The following LRRC4C variants were observed in gnomAD, a reference collection of about 807,000 sequenced individuals.
LRRC4C encodes the protein leucine rich repeat containing 4C.
Under a neutral mutation model 33.6 loss-of-function variants are expected in LRRC4C, and 5 were observed. That is an observed-to-expected ratio of 0.15 (90% CI 0.08 to 0.31). The LOEUF is 0.31. LRRC4C is among the 10% of genes least tolerant of loss of function. The pLI, the probability that LRRC4C is intolerant of heterozygous loss-of-function variation, is 1.00. For synonymous variants in LRRC4C, 329 were observed against 302.0 expected, an observed-to-expected ratio of 1.09 and a Z score of -0.93; for missense variants, 560 against 796.7, an observed-to-expected ratio of 0.70 and a Z score of 3.58.
chr11:40,130,661 C>T (rs564532045), intron 6 of LRRC4C, among the ~76,000 whole-genome samples: 1 of 152,244 alleles, frequency 6.6e-6, no homozygotes, highest in East Asian at 1.9e-4. Context: ...CCAAATGTCC[C>T]CTGGGGGGCA....
chr11:40,868,451 C>T (rs961565065), intron 2 of LRRC4C, among the ~76,000 whole-genome samples: 2 of 152,124 alleles, frequency 1.3e-5, no homozygotes, highest in Non-Finnish European at 2.9e-5. Flanking sequence ...CCTACACCCA[C>T]ATTAATGCCA....
chr11:40,833,478 AT>A (rs1266641882), intron 2 of LRRC4C, among the ~76,000 whole-genome samples: 1 of 152,080 alleles, frequency 6.6e-6, no homozygotes, highest in Non-Finnish European at 1.5e-5. Context: ...TATCAATGAG[AT>A]TTTTTTAAAT....
chr11:40,769,890 T>C (rs1342955378), intron 2 of LRRC4C, among the ~76,000 whole-genome samples: 2 of 152,150 alleles, frequency 1.3e-5, no homozygotes, highest in Non-Finnish European at 1.5e-5. Context: ...AGTAAAACCC[T>C]GAGAAAACTC....
At chr11:40,803,362 T>A (rs1371768318) in intron 2 of LRRC4C, among the ~76,000 whole-genome samples, 1 of 152,176 alleles carries the variant, frequency 6.6e-6, no homozygotes, top group Non-Finnish European at 1.5e-5. Context: ...AGCCTGCCCC[T>A]TAACTGAAAG....
intron 1 of LRRC4C, among the ~76,000 whole-genome samples, chr11:41,167,145 G>GA (rs747354526): frequency 6.6e-6 from 1 of 151,540 alleles, no homozygotes; most frequent in Non-Finnish European, 1.5e-5. Flanking sequence ...TTATTTTCTG[G>GA]AAAAAAAATA....
chr11:40,479,798 C>T (rs1953449530), intron 3 of LRRC4C, among the ~76,000 whole-genome samples: 1 of 151,824 alleles, frequency 6.6e-6, no homozygotes, highest in Admixed American at 6.6e-5. Context: ...AAGAGGTAAC[C>T]ACATAGTTTT....
chr11:41,325,576 TTTG>T lies in LRRC4C; in HGVS notation c.-496+133852_-496+133854del, dbSNP rs750026631. On this transcript the variant is annotated intron_variant, in intron 1 of 6. Transcript: ENST00000528697. The stretch of plus-strand genomic sequence containing the variant: ...ATTATTGTCCTTATAGTTTTTTTTT[TTTG>T]TGTGTGTGTGTGTGTGTGTGTGTGT... 6.4e-3 allele frequency among the ~76,000 whole-genome samples: 417 copies of T among 65,500 alleles called. 5 individuals carry two copies. Among genetic ancestry groups the T allele is most frequent in the East Asian group, 0.02 (35 of 1,750 alleles). 43.0% of individuals were successfully genotyped at this position (65,500 alleles called of 152,430 possible).
rs572849979 is a variant in LRRC4C, at chr11:40,916,820, G to A, written c.-407+16815C>T. Among the ~76,000 whole-genome samples, 152 of 152,008 alleles carry A rather than the reference G, an allele frequency of 1.0e-3. 1 individual carries two copies. Among genetic ancestry groups the A allele is most frequent in the Middle Eastern group, 3.4e-3 (1 of 294 alleles). On this transcript the variant is annotated intron_variant, in intron 2 of 6. Transcript: ENST00000528697. ...TCTTAGAGGGAGGGTAGAAAAATTG[G>A]TTGAGGTTTATATTTATGGATTTAC...
chr11:40,534,389 A>G (rs1029681766), intron 3 of LRRC4C, among the ~76,000 whole-genome samples: 2 of 152,190 alleles, frequency 1.3e-5, no homozygotes, highest in Non-Finnish European at 2.9e-5. Context: ...ATTTTAAAAC[A>G]TCTGTGCCAG....
chr11:41,282,705 G>A (rs2136944601), intron 1 of LRRC4C, among the ~76,000 whole-genome samples: 1 of 152,300 alleles, frequency 6.6e-6, no homozygotes, highest in South Asian at 2.1e-4. Flanking sequence ...CTAAGGGAAT[G>A]CATTTTTAGG....
chr11:40,691,334 G>T (rs1169554659), intron 2 of LRRC4C, among the ~76,000 whole-genome samples: 1 of 151,960 alleles, frequency 6.6e-6, no homozygotes, highest in Admixed American at 6.6e-5. Context: ...GGGCTAAGCA[G>T]GTTATCCAAG....
At chr11:40,665,110 C>T (rs1030335756) in intron 2 of LRRC4C, among the ~76,000 whole-genome samples, 2 of 151,152 alleles carry the variant, frequency 1.3e-5, no homozygotes, top group Non-Finnish European at 2.9e-5. Flanking sequence ...TACTTTCAAC[C>T]TCATTTAACA....
chr11:40,282,534 T>C (rs2136460457), intron 4 of LRRC4C, among the ~76,000 whole-genome samples: 1 of 152,232 alleles, frequency 6.6e-6, no homozygotes, highest in African/African-American at 2.4e-5. Flanking sequence ...AGCATGACTA[T>C]TAGTGCTTTA....
At chr11:40,244,269 C>G (rs1866156587) in intron 4 of LRRC4C, among the ~76,000 whole-genome samples, 1 of 152,062 alleles carries the variant, frequency 6.6e-6, no homozygotes, top group African/African-American at 2.4e-5. Flanking sequence ...GCCTCAAGAT[C>G]TCTCTGAGAA....
chr11:40,331,554 A>C (rs912749937), intron 3 of LRRC4C, among the ~76,000 whole-genome samples: 4 of 152,358 alleles, frequency 2.6e-5, no homozygotes, highest in Admixed American at 6.5e-5. Context: ...TAAGCAAGGC[A>C]CAGAAAGTGA....
intron 1 of LRRC4C, among the ~76,000 whole-genome samples, chr11:41,136,180 C>A (rs536930600): frequency 1.3e-5 from 2 of 152,242 alleles, no homozygotes; most frequent in South Asian, 4.1e-4. Context: ...GTGTTGGGAA[C>A]CAATAAGACT....
intron 4 of LRRC4C, among the ~76,000 whole-genome samples, chr11:40,279,552 A>T (rs1352283473): frequency 6.6e-6 from 1 of 152,244 alleles, no homozygotes; most frequent in Non-Finnish European, 1.5e-5. Flanking sequence ...TACAAATAAT[A>T]GCTTGAGTAT....
intron 1 of LRRC4C, among the ~76,000 whole-genome samples, chr11:41,107,973 G>T (rs11605769): frequency 2.5e-5 from 1 of 39,272 alleles, no homozygotes; most frequent in Non-Finnish European, 8.4e-5. Context: ...AGAGGGGAGA[G>T]GGGAGAGGGG....
chr11:41,213,214 A>AT (rs1187080183), intron 1 of LRRC4C, among the ~76,000 whole-genome samples: 23 of 152,240 alleles, frequency 1.5e-4, no homozygotes, highest in Non-Finnish European at 8.8e-5. Flanking sequence ...CACATGTTAT[A>AT]AACTAAACAG....
Sources: gnomAD v4.1 joint callset for allele counts (sites outside exome capture counted in the v4.1 genomes callset) on GRCh38, gnomAD v4.1.1 for gene constraint, MANE v1.5 for transcripts, NCBI Gene and HGNC (gene_info 2026-07-23, HGNC 2026-07-21) for gene names.